Variants in ELP1 observed in about 807,000 individuals in gnomAD.
ELP1 encodes the protein elongator acetyltransferase complex subunit 1.
In ELP1, 131 loss-of-function variants were observed where a neutral mutation model predicts 183.2. The ratio of observed to expected loss-of-function variants is 0.72; its 90% confidence interval spans 0.62 to 0.83. The LOEUF is 0.83. ELP1 is among the 40% of genes least tolerant of loss of function. The pLI is 0.00. For synonymous variants in ELP1, 555 were observed against 569.0 expected (o/e 0.98, Z 0.35); for missense variants, 1,550 against 1,594.9 (o/e 0.97, Z 0.48).
At chr9:108,902,259 C>T (rs879741480) in intron 16 of ELP1, among the ~76,000 whole-genome samples, 3 of 152,110 alleles carry the variant, frequency 2.0e-5, no homozygotes, top group Non-Finnish European at 2.9e-5. Flanking sequence ...CTCCGAGAGG[C>T]CTTCCTGGAC....
chr9:108,885,739 G>T (rs537538272), intron 29 of ELP1, among the ~76,000 whole-genome samples: 11 of 152,306 alleles, frequency 7.2e-5, no homozygotes, highest in African/African-American at 2.6e-4. Context: ...AACTCTCTCT[G>T]TTCCATTTTT....
At position 108,879,516 on chromosome 9, in the gene ELP1, C is replaced by T. The variant is rs1827833640; in HGVS notation, c.3502G>A (p.Glu1168Lys). 1.2e-6 allele frequency: 2 copies of T among 1,614,006 alleles called. No homozygotes were observed. Among genetic ancestry groups the T allele is most frequent in the African/African-American group, 2.7e-5 (2 of 74,908 alleles). ...CTGCCACTCACGACACTGCTAGTTTCAGAGAAGAGGTCTGACTCTTGCCCG... is the reference window on the plus strand; with the variant it reads ...CTGCCACTCACGACACTGCTAGTTTTAGAGAAGAGGTCTGACTCTTGCCCG... ...PHGQESDLFS[E>K]TSSVVSGSEM... is the part of the protein sequence containing the mutation. Residue 1168 changes from glutamate to lysine, a missense_variant, in exon 33 of 37, where the codon GAA becomes AAA. Glu to Lys is a moderately conservative substitution (Grantham distance 56). Coordinates refer to ENST00000374647, the MANE Select transcript of ELP1 (RefSeq NM_003640.5).
intron 25 of ELP1, among the ~76,000 whole-genome samples, chr9:108,894,858 T>C (rs553738815): frequency 1.7e-4 from 26 of 152,338 alleles, no homozygotes; most frequent in African/African-American, 4.3e-4. Context: ...TGCCATGCCC[T>C]GTAAGCAAAT....
At chr9:108,918,234 CAG>C (rs968578966) in intron 8 of ELP1, among the ~76,000 whole-genome samples, 1 of 152,162 alleles carries the variant, frequency 6.6e-6, no homozygotes, top group African/African-American at 2.4e-5. Context: ...ATCACCGAAA[CAG>C]AGGAGATACA....
chr9:108,919,568 T>C (rs1186951139), intron 6 of ELP1, among the ~76,000 whole-genome samples: 5 of 148,066 alleles, frequency 3.4e-5, no homozygotes, highest in Non-Finnish European at 7.5e-5. Context: ...CCTTTCGGCA[T>C]TAAAAAAAAA....
chr9:108,877,068 C>T (rs1419060318), intron 35 of ELP1, among the ~76,000 whole-genome samples: 2 of 152,166 alleles, frequency 1.3e-5, no homozygotes, highest in Non-Finnish European at 2.9e-5. Flanking sequence ...AGCAGCTGTT[C>T]CTTCCAGTTT....
chr9:108,916,393 C>T, intron 9 of ELP1, 96 bp from the exon 10 acceptor site: 1 of 975,520 alleles, frequency 1.0e-6, no homozygotes, highest in Non-Finnish European at 1.7e-6. Context: ...TCAAATAATC[C>T]CACTACCTGA....
At position 108,889,191 on chromosome 9, in the gene ELP1, C is replaced by A. The variant is rs1828231404; in HGVS notation, c.3222+141G>T. 8.5e-6 allele frequency: 7 copies of A among 822,378 alleles called. 1 individual carries two copies. In the South Asian group the frequency reaches 9.8e-5, roughly 12 times the overall value. The allele number at this position is 822,378 out of a possible 1,614,324, so 50.9% of individuals were successfully genotyped here. ...AATTTAGATTTCCAAGTCAAGCCAG[C>A]AAGATAAGACCTCTGGGGCAAACAC... is the stretch of plus-strand genomic sequence containing the variant. On this transcript the variant is annotated intron_variant, in intron 29 of 36. Coordinates refer to ENST00000374647, the MANE Select transcript of ELP1 (RefSeq NM_003640.5).
At position 108,899,870 on chromosome 9, in the gene ELP1, AC is replaced by A. The variant is rs776726015; in HGVS notation, c.2155del (p.Val719PhefsTer8). 6.2e-7 allele frequency: 1 copy of A among 1,614,152 alleles called. No individual in the cohort carries two copies. The highest frequency in any genetic ancestry group is 2.2e-5 in the East Asian group (1 of 44,878). On this transcript the variant is annotated frameshift_variant, in exon 20 of 37. Transcript: ENST00000374647. LOFTEE classifies it high-confidence loss of function. ...LQMPRGNLEV[V>X]HHRALVLAQI... The stretch of plus-strand genomic sequence containing the variant: ...AGCTAAAACCAGGGCTCGATGATGA[AC>A]AACTTCTAAGTTTCCCCTTGGCATC...
chr9:108,894,051 G>A lies in ELP1; in HGVS notation c.2752C>T (p.Leu918Phe). The part of the protein sequence containing the change: ...EKSQKDPKEY[L>F]PFLNTLKKME... ...TTCTTAAGTGTATTAAGAAATGGAA[G>A]ATATTCTTTGGGATCCTAAAAAAAT... The change falls in exon 26 of 37, where the codon CTT (leucine) becomes TTT (phenylalanine). Residue 918 changes from leucine to phenylalanine, a missense_variant. By Grantham distance (22) the Leu-to-Phe change is conservative. Coordinates refer to ENST00000374647, the MANE Select transcript of ELP1 (RefSeq NM_003640.5). 4 of 1,509,214 alleles carry A rather than the reference G, an allele frequency of 2.7e-6. No homozygotes were observed. The highest frequency in any genetic ancestry group is 3.7e-6 in the Non-Finnish European group (4 of 1,087,110). The allele number at this position is 1,509,214 out of a possible 1,614,324, so 93.5% of individuals were successfully genotyped here.
intron 6 of ELP1, 89 bp from the exon 7 acceptor site, chr9:108,919,438 T>C: frequency 1.2e-6 from 1 of 837,840 alleles, no homozygotes; most frequent in Non-Finnish European, 2.0e-6. Flanking sequence ...ACAGATGTTT[T>C]TTAAGAGGTT....
chr9:108,916,492 A>G (rs1829439225), intron 9 of ELP1, among the ~76,000 whole-genome samples, 195 bp from the exon 10 acceptor site: 1 of 152,246 alleles, frequency 6.6e-6, no homozygotes, highest in Non-Finnish European at 1.5e-5. Context: ...CTTAAAAAAA[A>G]GAAATACATT....
chr9:108,916,378 T>C, intron 9 of ELP1, 81 bp from the exon 10 acceptor site: 1 of 1,102,068 alleles, frequency 9.1e-7, no homozygotes, highest in Non-Finnish European at 1.4e-6. Context: ...ATTTCCTCTC[T>C]CAAATCAAAT....
rs529456133 is a variant in ELP1, at chr9:108,893,956, G to A, written c.2847C>T (p.His949=). The A allele has an allele frequency of 3.7e-6, 6 of 1,613,836 alleles. 1 individual carries two copies. The East Asian group carries it at 6.7e-5, about 18-fold the overall frequency. ...CCCCACACTTACCACATTTGCTGAG[G>A]TGGCCAATGGCTTTTTCATATCGTT... The part of the protein sequence containing the change: ...YLKRYEKAIG[H]LSKCGPEYFP... The change falls in exon 26 of 37, where the codon CAC becomes CAT. Residue 949 remains histidine, a synonymous_variant. Transcript: ENST00000374647.
chr9:108,892,778 C>T (rs533195800), intron 27 of ELP1, among the ~76,000 whole-genome samples: 1 of 152,224 alleles, frequency 6.6e-6, no homozygotes, highest in South Asian at 2.1e-4. Context: ...AGCAGGGAAC[C>T]CCACGAGGAA....
At chr9:108,900,757 C>T (rs978431782) in intron 18 of ELP1, among the ~76,000 whole-genome samples, 10 of 151,704 alleles carry the variant, frequency 6.6e-5, no homozygotes, top group Non-Finnish European at 1.2e-4. Context: ...ATAAGGAACA[C>T]ACACACACAT....
intron 12 of ELP1, among the ~76,000 whole-genome samples, chr9:108,910,147 A>C (rs1829159050): frequency 6.6e-6 from 1 of 152,198 alleles, no homozygotes; most frequent in Non-Finnish European, 1.5e-5. Context: ...CTTGACAATG[A>C]ACATATTTGC....
chr9:108,905,355 C>G (rs192099020), intron 14 of ELP1, among the ~76,000 whole-genome samples: 19 of 152,248 alleles, frequency 1.2e-4, no homozygotes, highest in Non-Finnish European at 1.3e-4. Context: ...ACAAGGAGTT[C>G]TGGGAACTGG....
chr9:108,879,470 G>T lies in ELP1; in HGVS notation c.3548C>A (p.Ser1183Tyr), dbSNP rs1441814020. The change falls in exon 33 of 37, where the codon TCC becomes TAC. Residue 1183 changes from serine (S) to tyrosine (Y), a missense_variant. Physicochemically the swap from Ser to Tyr is moderately radical, Grantham distance 144. Transcript: ENST00000374647. The part of the protein sequence containing the change: ...VSGSEMSGKY[S>Y]HSNSRISARS... The stretch of plus-strand genomic sequence containing the variant: ...CGCTGATATCCTGGAGTTACTATGG[G>T]AGTATTTGCCACTCATCTCACTGCC... 1 of 1,613,284 alleles carries T rather than the reference G, an allele frequency of 6.2e-7. No individual in the cohort carries two copies. The highest frequency in any genetic ancestry group is 1.7e-5 in the Admixed American group (1 of 60,008).
Sources: allele counts gnomAD v4.1 joint callset (sites outside exome capture counted in the v4.1 genomes callset), GRCh38; gene constraint gnomAD v4.1.1; transcripts MANE v1.5; gene names NCBI Gene and HGNC (gene_info 2026-07-23, HGNC 2026-07-21).